The following FNIP1 variants were observed in gnomAD, a reference collection of about 807,000 sequenced individuals.
The protein encoded by FNIP1 is folliculin-interacting protein 1.
In FNIP1, 40 loss-of-function variants were observed where a neutral mutation model predicts 124.5. That is an observed-to-expected ratio of 0.32 (90% confidence interval 0.25 to 0.42). The LOEUF (loss-of-function observed/expected upper bound fraction) is 0.42. Ranked by LOEUF, FNIP1 falls within the 10% of genes least tolerant of loss-of-function variation. The probability of loss-of-function intolerance (pLI) is 1.00; values close to 1 mark genes in which losing one functional copy is unlikely to be tolerated. For synonymous variants in FNIP1, 472 were observed against 470.6 expected (o/e 1.00, Z -0.04); for missense variants, 1,176 against 1,403.7 (o/e 0.84, Z 2.59).
At chr5:131,776,345 A>G (rs1771804114) in intron 1 of FNIP1, among the ~76,000 whole-genome samples, 1 of 152,278 alleles carries the variant, frequency 6.6e-6, no homozygotes, top group Non-Finnish European at 1.5e-5. Flanking sequence ...TGGAACTGTC[A>G]TATAACATAC....
At position 131,711,017 on chromosome 5, in the gene FNIP1, T is replaced by A. The variant is rs534279777; in HGVS notation, c.623-356A>T. 3.3e-5 allele frequency among the ~76,000 whole-genome samples: 5 copies of A among 152,360 alleles called. No homozygotes were observed. In the East Asian group the frequency reaches 9.6e-4, roughly 29 times the overall value. Reference sequence around the variant, plus strand: ...GTACGATAATGTTATCTATCTAATCTGATATTTGCCAAATAAATTCATTTT... The same window carrying A: ...GTACGATAATGTTATCTATCTAATCAGATATTTGCCAAATAAATTCATTTT... On this transcript the variant is annotated intron_variant, in intron 6 of 17. Transcript: ENST00000510461.
intron 17 of FNIP1, 149 bp from the exon 18 acceptor site, chr5:131,644,912 T>C (rs1007503047): frequency 3.1e-6 from 2 of 649,454 alleles, no homozygotes; most frequent in African/African-American, 1.8e-5. Context: ...TCTCAGTAAA[T>C]AAAACACAGA....
chr5:131,654,022 G>A (rs559840005), intron 15 of FNIP1, among the ~76,000 whole-genome samples: 9 of 152,330 alleles, frequency 5.9e-5, no homozygotes, highest in East Asian at 5.8e-4. Flanking sequence ...TTACAGGCGT[G>A]AGCCACTGCA....
chr5:131,740,881 C>T (rs1770490554), intron 2 of FNIP1, among the ~76,000 whole-genome samples: 1 of 152,146 alleles, frequency 6.6e-6, no homozygotes, highest in South Asian at 2.1e-4. Context: ...ACCAAGATGG[C>T]GACAAGAGTG....
chr5:131,664,697 C>G (rs541991329), intron 15 of FNIP1, among the ~76,000 whole-genome samples: 1 of 143,256 alleles, frequency 7.0e-6, no homozygotes, highest in East Asian at 2.0e-4. Context: ...TATGACAAAA[C>G]CATGCAATAA....
intron 1 of FNIP1, among the ~76,000 whole-genome samples, chr5:131,791,993 A>G (rs1772421051): frequency 6.6e-6 from 1 of 152,212 alleles, no homozygotes; most frequent in South Asian, 2.1e-4. Flanking sequence ...CAAAACTGAT[A>G]TAACAGTAAC....
chr5:131,684,469 T>C (rs1768201403), intron 11 of FNIP1, among the ~76,000 whole-genome samples: 1 of 152,200 alleles, frequency 6.6e-6, no homozygotes, highest in Non-Finnish European at 1.5e-5. Context: ...GAATATTTAA[T>C]ATCCCTTTCA....
intron 11 of FNIP1, among the ~76,000 whole-genome samples, chr5:131,690,878 C>G (rs1031567292): frequency 1.3e-5 from 2 of 152,150 alleles, no homozygotes; most frequent in Non-Finnish European, 2.9e-5. Flanking sequence ...AAAAACAGAG[C>G]TGCAAGAAGA....
intron 11 of FNIP1, among the ~76,000 whole-genome samples, chr5:131,684,875 G>T (rs1768218968): frequency 6.6e-6 from 1 of 152,118 alleles, no homozygotes; most frequent in African/African-American, 2.4e-5. Flanking sequence ...ATAATTAACT[G>T]CAAGTTCAAG....
chr5:131,739,787 T>A (rs1770448316), intron 2 of FNIP1, among the ~76,000 whole-genome samples: 1 of 121,040 alleles, frequency 8.3e-6, no homozygotes. Flanking sequence ...CTCTCCAGCC[T>A]GGGTGACAGA....
intron 5 of FNIP1, among the ~76,000 whole-genome samples, chr5:131,717,803 T>C (rs1769518807): frequency 6.6e-6 from 1 of 152,176 alleles, no homozygotes; most frequent in Non-Finnish European, 1.5e-5. Flanking sequence ...CTTTAATTTC[T>C]ACTTTAGTAG....
intron 15 of FNIP1, among the ~76,000 whole-genome samples, chr5:131,661,220 T>TGTGTGTGTG (rs1554092139): frequency 0.038 from 5,641 of 147,682 alleles, 364 homozygotes; most frequent in African/African-American, 0.13. Context: ...TGTCTTTGTT[T>TGTGTGTGTG]TGTGTGTGTG....
At chr5:131,669,917 C>CA (rs11440510) in intron 15 of FNIP1, among the ~76,000 whole-genome samples, 89,231 of 132,464 alleles carry the variant, frequency 0.67, 30,097 homozygotes, top group Non-Finnish European at 0.78. Flanking sequence ...TACAATGAGT[C>CA]AAAAAAAAAA....
At chr5:131,653,620 AG>A (rs1208250615) in intron 15 of FNIP1, among the ~76,000 whole-genome samples, 3 of 152,252 alleles carry the variant, frequency 2.0e-5, no homozygotes, top group Non-Finnish European at 4.4e-5. Flanking sequence ...TATAGAAAAA[AG>A]AAAGAAAATA....
chr5:131,672,039 T>C lies in FNIP1; in HGVS notation c.2405A>G (p.Lys802Arg). 6.2e-7 allele frequency: 1 copy of C among 1,614,220 alleles called. No homozygotes were observed. The highest frequency in any genetic ancestry group is 2.2e-5 in the East Asian group (1 of 44,888). ...TGTATCAGACTCTCCAGATTGGTCCTTGGTTGTTTGTTTAGTTTCTTGATG... is the reference window on the plus strand; with the variant it reads ...TGTATCAGACTCTCCAGATTGGTCCCTGGTTGTTTGTTTAGTTTCTTGATG... ...DQHQETKQTTKDQSGESDTQN... is the reference protein window; with the variant it reads ...DQHQETKQTTRDQSGESDTQN... Residue 802 changes from lysine to arginine, a missense_variant, in exon 14 of 18, where the codon AAG becomes AGG. Physicochemically the swap from Lys to Arg is conservative, Grantham distance 26. Around this residue, in one of 2 missense-constraint regions of FNIP1, gnomAD observed 1,109 missense variants for 1,288.5 expected, o/e 0.86. Transcript: ENST00000510461.
At chr5:131,721,109 T>C (rs1298783672) in intron 3 of FNIP1, among the ~76,000 whole-genome samples, 2 of 152,098 alleles carry the variant, frequency 1.3e-5, no homozygotes, top group African/African-American at 4.8e-5. Flanking sequence ...CATGGATAAA[T>C]GAAATATAAT....
At chr5:131,709,978 T>C (rs1003664363) in intron 7 of FNIP1, among the ~76,000 whole-genome samples, 5 of 152,190 alleles carry the variant, frequency 3.3e-5, no homozygotes, top group Non-Finnish European at 7.3e-5. Context: ...CGCTAAAATG[T>C]GTGAAAACAA....
rs1278885038 is a variant in FNIP1, at chr5:131,796,958, G to C, written c.-37C>G. On this transcript the variant is annotated 5_prime_UTR_variant, in exon 1 of 18. Transcript: ENST00000510461. ...CCAGGCAGGGGTCGCTCCGCTGGGC[G>C]CTTGCTAGGCCCCTGCTCCTACAGC... 5 of 1,551,412 alleles carry C rather than the reference G, an allele frequency of 3.2e-6. No individual in the cohort carries two copies. The Admixed American group carries it at 7.5e-5, about 23-fold the overall frequency.
chr5:131,688,093 A>G (rs1768344417), intron 11 of FNIP1, among the ~76,000 whole-genome samples: 1 of 150,454 alleles, frequency 6.6e-6, no homozygotes, highest in East Asian at 2.0e-4. Flanking sequence ...CATCCCAGAA[A>G]TTCAGACTAA....
Sources: allele counts gnomAD v4.1 joint callset (sites outside exome capture counted in the v4.1 genomes callset), GRCh38; gene constraint gnomAD v4.1.1; regional missense constraint gnomAD v4.1.1; transcripts MANE v1.5; gene names NCBI Gene and HGNC (gene_info 2026-07-23, HGNC 2026-07-21).